Variants in SOX21 observed in about 807,000 individuals in gnomAD.
SOX21 encodes the protein SRY-box transcription factor 21, also known as transcription factor SOX-21.
For synonymous variants in SOX21, 237 were observed against 189.7 expected, an observed-to-expected ratio of 1.25 and a Z score of -2.05; for missense variants, 370 against 388.8, an observed-to-expected ratio of 0.95 and a Z score of 0.41.
In SOX21 at chr13:94,710,978, G is replaced by C. The variant is rs1054638038; in HGVS notation, c.*241C>G. ...GCACACAACCGCCTGCTTTCGAGTT[G>C]GCTGCCGAAGTGCGGGTCTGAAATG... is the stretch of plus-strand genomic sequence containing the variant. On this transcript the variant is annotated 3_prime_UTR_variant, in exon 1 of 1. Transcript: ENST00000376945. 16 of 375,722 alleles carry C rather than the reference G, an allele frequency of 4.3e-5. No homozygotes were observed. In the East Asian group the frequency reaches 5.8e-4, roughly 14 times the overall value. 23.3% of individuals were successfully genotyped at this position (375,722 alleles called of 1,614,324 possible). A position where few individuals can be genotyped will look rare whatever the true frequency, so the allele number is the denominator to read the frequency against.
rs75993836 is a variant in SOX21 at position 94,710,210 on chromosome 13, T to A, written c.*1009A>T. On this transcript the variant is annotated 3_prime_UTR_variant, in exon 1 of 1. Coordinates refer to ENST00000376945, the MANE Select transcript of SOX21 (RefSeq NM_007084.4). ...ACTTTGATATTCGCTCAAAATGTTT[T>A]TGAGTCTAAAGTCGACTCAAACTTA... 1.3e-5 allele frequency: 2 copies of A among 152,588 alleles called. No homozygotes were observed. Among genetic ancestry groups the A allele is most frequent in the Admixed American group, 1.3e-4 (2 of 15,284 alleles). 9.5% of individuals were successfully genotyped at this position (152,588 alleles called of 1,614,324 possible).
Position 94,711,720 on chromosome 13 carries a change from C to T in SOX21, c.330G>A (p.Ala110=), listed in dbSNP as rs758037598. 4 of 1,605,738 alleles carry T rather than the reference C, an allele frequency of 2.5e-6. No individual in the cohort carries two copies. In the South Asian group the frequency reaches 4.4e-5, roughly 18 times the overall value. ...LGGVADAEHP[A]LKAGAGLHAG... is the part of the protein sequence containing the mutation. ...CGTGCAGCCCGGCGCCCGCCTTGAG[C>T]GCAGGGTGCTCGGCGTCCGCCACGC... The change falls in exon 1 of 1, where the codon GCG becomes GCA. Residue 110 remains alanine (A), a synonymous_variant. Transcript: ENST00000376945.
In SOX21 at chr13:94,711,166, C is replaced by G. The variant is rs1207890561; in HGVS notation, c.*53G>C. 1.6e-6 allele frequency: 2 copies of G among 1,249,120 alleles called. No homozygotes were observed. The highest frequency in any genetic ancestry group is 4.2e-5 in the Admixed American group (1 of 23,738). The allele number at this position is 1,249,120 out of a possible 1,614,324, so 77.4% of individuals were successfully genotyped here. ...CACGGGGAGGCCGCAGCGCTCGTACCTATACATATGTACACGTGTGCACAC... is the reference window on the plus strand; with the variant it reads ...CACGGGGAGGCCGCAGCGCTCGTACGTATACATATGTACACGTGTGCACAC... On this transcript the variant is annotated 3_prime_UTR_variant, in exon 1 of 1. Transcript: ENST00000376945.
At position 94,711,163 on chromosome 13, in the gene SOX21, T is replaced by C. The variant is rs910278731; in HGVS notation, c.*56A>G. 12 of 1,242,274 alleles carry C rather than the reference T, an allele frequency of 9.7e-6. No homozygotes were observed. The highest frequency in any genetic ancestry group is 6.9e-5 in the South Asian group (2 of 28,902). The allele number at this position is 1,242,274 out of a possible 1,614,324, so 77.0% of individuals were successfully genotyped here. A position where few individuals can be genotyped will look rare whatever the true frequency, so the allele number is the denominator to read the frequency against. On this transcript the variant is annotated 3_prime_UTR_variant, in exon 1 of 1. Transcript: ENST00000376945. ...GCGCACGGGGAGGCCGCAGCGCTCG[T>C]ACCTATACATATGTACACGTGTGCA...
Position 94,712,464 on chromosome 13 carries a change from G to T in SOX21, c.-415C>A. On this transcript the variant is annotated 5_prime_UTR_variant, in exon 1 of 1. Coordinates refer to ENST00000376945, the MANE Select transcript of SOX21 (RefSeq NM_007084.4). The surrounding 1 kb of genome is among the most constrained non-coding windows in gnomAD (Gnocchi z 5.0). ...AAGCGTCCCCAAAAGTTGCGTCGCG[G>T]AGACTCCTCGAAGTTGAGCCGAGGA... 1 of 988,932 alleles carries T rather than the reference G, an allele frequency of 1.0e-6. No homozygotes were observed. Among genetic ancestry groups the T allele is most frequent in the Non-Finnish European group, 1.2e-6 (1 of 833,138 alleles). The allele number at this position is 988,932 out of a possible 1,614,324, so 61.3% of individuals were successfully genotyped here. A position where few individuals can be genotyped will look rare whatever the true frequency, so the allele number is the denominator to read the frequency against.
rs1875263196 is a variant in SOX21, at chr13:94,711,733, G to A, written c.317C>T (p.Ala106Val). 2.5e-6 allele frequency: 4 copies of A among 1,610,822 alleles called. No homozygotes were observed. Among genetic ancestry groups the A allele is most frequent in the Non-Finnish European group, 3.4e-6 (4 of 1,179,052 alleles). Residue 106 changes from alanine (A) to valine (V), a missense_variant, in exon 1 of 1, where the codon GCC (alanine) becomes GTC (valine). Ala to Val is a moderately conservative substitution (Grantham distance 64, BLOSUM62 0). Coordinates refer to ENST00000376945, the MANE Select transcript of SOX21 (RefSeq NM_007084.4). ...GCCCGCCTTGAGCGCAGGGTGCTCG[G>A]CGTCCGCCACGCCGCCCAGGCCGTA... ...VPYGLGGVAD[A>V]EHPALKAGAG... is the part of the protein sequence containing the mutation.
In SOX21 at chr13:94,710,344, T is replaced by C. The variant is rs1188795941; in HGVS notation, c.*875A>G. 6.6e-6 allele frequency: 1 copy of C among 152,656 alleles called. No homozygotes were observed. Among genetic ancestry groups the C allele is most frequent in the Non-Finnish European group, 1.5e-5 (1 of 68,044 alleles). 9.5% of individuals were successfully genotyped at this position (152,656 alleles called of 1,614,324 possible). On this transcript the variant is annotated 3_prime_UTR_variant, in exon 1 of 1. Transcript: ENST00000376945. ...TAAGGGAAAATAGGAGCAGTGCCTTTTTCCTTTTTTGTAAACTGTGTCAGA... is the reference window on the plus strand; with the variant it reads ...TAAGGGAAAATAGGAGCAGTGCCTTCTTCCTTTTTTGTAAACTGTGTCAGA...
chr13:94,710,966 T>G lies in SOX21; in HGVS notation c.*253A>C, dbSNP rs1875216395. The stretch of plus-strand genomic sequence containing the variant: ...CCAACTGCTGCCGCACACAACCGCC[T>G]GCTTTCGAGTTGGCTGCCGAAGTGC... On this transcript the variant is annotated 3_prime_UTR_variant, in exon 1 of 1. Coordinates refer to ENST00000376945, the MANE Select transcript of SOX21 (RefSeq NM_007084.4). 1 of 365,416 alleles carries G rather than the reference T, an allele frequency of 2.7e-6. No individual in the cohort carries two copies. Among genetic ancestry groups the G allele is most frequent in the African/African-American group, 2.1e-5 (1 of 47,926 alleles). 22.6% of individuals were successfully genotyped at this position (365,416 alleles called of 1,614,324 possible).
chr13:94,711,651 A>T lies in SOX21; in HGVS notation c.399T>A (p.Asn133Lys). Residue 133 changes from asparagine to lysine, a missense_variant, in exon 1 of 1, where the codon AAT (asparagine) becomes AAA (lysine). By Grantham distance (94) the Asn-to-Lys change is moderately conservative. Coordinates refer to ENST00000376945, the MANE Select transcript of SOX21 (RefSeq NM_007084.4). ...CGGCGGCCGCGGCCGCCTTCTCGGGATTGGCGAGCAGCGACTCAGGCACCA... is the reference window on the plus strand; with the variant it reads ...CGGCGGCCGCGGCCGCCTTCTCGGGTTTGGCGAGCAGCGACTCAGGCACCA... ...GGLVPESLLANPEKAAAAAAA... is the reference protein window; with the variant it reads ...GGLVPESLLAKPEKAAAAAAA... 7.5e-7 allele frequency: 1 copy of T among 1,324,632 alleles called. No individual in the cohort carries two copies. Among genetic ancestry groups the T allele is most frequent in the African/African-American group, 1.6e-5 (1 of 61,260 alleles). 82.1% of individuals were successfully genotyped at this position (1,324,632 alleles called of 1,614,324 possible).
chr13:94,711,688 G>GC lies in SOX21; in HGVS notation c.361dup (p.Ala121GlyfsTer8). The GC allele has an allele frequency of 6.8e-7, 1 of 1,470,988 alleles. No individual in the cohort carries two copies. The highest frequency in any genetic ancestry group is 9.0e-7 in the Non-Finnish European group (1 of 1,114,288). 91.1% of individuals were successfully genotyped at this position (1,470,988 alleles called of 1,614,324 possible). A position where few individuals can be genotyped will look rare whatever the true frequency, so the allele number is the denominator to read the frequency against. On this transcript the variant is annotated frameshift_variant, in exon 1 of 1. Transcript: ENST00000376945. LOFTEE classifies it low-confidence loss of function (END_TRUNC). ...CGACTCAGGCACCAGGCCGCCGCCC[G>GC]CCCCCGCGTGCAGCCCGGCGCCCGC...
chr13:94,712,284 C>CT lies in SOX21; in HGVS notation c.-236dup, dbSNP rs753075572. On this transcript the variant is annotated 5_prime_UTR_variant, in exon 1 of 1. Transcript: ENST00000376945. This position sits in a 1 kb window ranked among gnomAD's most constrained non-coding sequence, Gnocchi z 5.0. ...TCGAGCAGGTTGTCTCTGGGACACT[C>CT]TAACTTCTCGGCGGTGCCCCCTCCC... The CT allele has an allele frequency of 1.1e-5, 13 of 1,186,274 alleles. No individual in the cohort carries two copies. Among genetic ancestry groups the CT allele is most frequent in the Middle Eastern group, 3.4e-4 (1 of 2,958 alleles). The allele number at this position is 1,186,274 out of a possible 1,614,324, so 73.5% of individuals were successfully genotyped here. A position where few individuals can be genotyped will look rare whatever the true frequency, so the allele number is the denominator to read the frequency against.
In SOX21 at chr13:94,709,679, G is replaced by A. The variant is rs1875180046; in HGVS notation, c.*1540C>T. Reference sequence around the variant, plus strand: ...ACTCTTTGTTCAAAAAAAATGAACAGAGTGATAGTCGGATTCTAATTTACA... The same window carrying A: ...ACTCTTTGTTCAAAAAAAATGAACAAAGTGATAGTCGGATTCTAATTTACA... On this transcript the variant is annotated 3_prime_UTR_variant, in exon 1 of 1. Coordinates refer to ENST00000376945, the MANE Select transcript of SOX21 (RefSeq NM_007084.4). The A allele has an allele frequency of 6.6e-6, 1 of 152,610 alleles. No homozygotes were observed. The highest frequency in any genetic ancestry group is 2.4e-5 in the African/African-American group (1 of 41,434). 9.5% of individuals were successfully genotyped at this position (152,610 alleles called of 1,614,324 possible). A position where few individuals can be genotyped will look rare whatever the true frequency, so the allele number is the denominator to read the frequency against.
chr13:94,710,403 T>C lies in SOX21; in HGVS notation c.*816A>G, dbSNP rs2138616660. ...CGAGTGGACTCAGGGAGACTTCTAG[T>C]AGTTTGTTGTTGTTGTTTGTTTAGG... On this transcript the variant is annotated 3_prime_UTR_variant, in exon 1 of 1. Coordinates refer to ENST00000376945, the MANE Select transcript of SOX21 (RefSeq NM_007084.4). The C allele has an allele frequency of 6.5e-6, 1 of 152,750 alleles. No homozygotes were observed. The highest frequency in any genetic ancestry group is 2.1e-4 in the South Asian group (1 of 4,826). 9.5% of individuals were successfully genotyped at this position (152,750 alleles called of 1,614,324 possible).
rs1875241209 is a variant in SOX21 at position 94,711,425 on chromosome 13, C to T, written c.625G>A (p.Ala209Thr). The change falls in exon 1 of 1, where the codon GCG (alanine) becomes ACG (threonine). Residue 209 changes from alanine to threonine, a missense_variant. By Grantham distance (58) the Ala-to-Thr change is moderately conservative. Transcript: ENST00000376945. ...GCGGCCGCCGCTGCAGCCGCCGCCG[C>T]CGCGCCGTGGAAGGCGCCCGCGCCC... ...TAGAGAFHGA[A>T]AAAAAAAAAA... is the part of the protein sequence containing the mutation. 2 of 989,550 alleles carry T rather than the reference C, an allele frequency of 2.0e-6. No homozygotes were observed. Among genetic ancestry groups the T allele is most frequent in the Middle Eastern group, 5.2e-4 (1 of 1,922 alleles). 61.3% of individuals were successfully genotyped at this position (989,550 alleles called of 1,614,324 possible).
rs1050831815 is a variant in SOX21, at chr13:94,711,319, G to A, written c.731C>T (p.Pro244Leu). 26 of 1,316,714 alleles carry A rather than the reference G, an allele frequency of 2.0e-5. 1 individual carries two copies. The African/African-American group carries it at 3.2e-4, about 16-fold the overall frequency. The allele number at this position is 1,316,714 out of a possible 1,614,324, so 81.6% of individuals were successfully genotyped here. A position where few individuals can be genotyped will look rare whatever the true frequency, so the allele number is the denominator to read the frequency against. The change falls in exon 1 of 1, where the codon CCC becomes CTC. Residue 244 changes from proline (P) to leucine (L), a missense_variant. Physicochemically the swap from Pro to Leu is moderately conservative, Grantham distance 98. Coordinates refer to ENST00000376945, the MANE Select transcript of SOX21 (RefSeq NM_007084.4). ...GAGCGGCGGCTGCAGCCCGGGGCTGGGCCACGCGCTGCAGTTGCACGGGAT... is the reference window on the plus strand; with the variant it reads ...GAGCGGCGGCTGCAGCCCGGGGCTGAGCCACGCGCTGCAGTTGCACGGGAT... ...YMIPCNCSAW[P>L]SPGLQPPLAY...
In SOX21 at chr13:94,710,883, G is replaced by C. The variant is rs933062393; in HGVS notation, c.*336C>G. 2 of 224,726 alleles carry C rather than the reference G, an allele frequency of 8.9e-6. No individual in the cohort carries two copies. Among genetic ancestry groups the C allele is most frequent in the African/African-American group, 4.5e-5 (2 of 44,082 alleles). The allele number at this position is 224,726 out of a possible 1,614,324, so 13.9% of individuals were successfully genotyped here. A position where few individuals can be genotyped will look rare whatever the true frequency, so the allele number is the denominator to read the frequency against. On this transcript the variant is annotated 3_prime_UTR_variant, in exon 1 of 1. Coordinates refer to ENST00000376945, the MANE Select transcript of SOX21 (RefSeq NM_007084.4). Reference sequence around the variant, plus strand: ...ACTGGAAAGGCCAACATGTCAAAAAGTTACTCCTCCACCTCCGTGGGTCAA... The same window carrying C: ...ACTGGAAAGGCCAACATGTCAAAAACTTACTCCTCCACCTCCGTGGGTCAA...
In SOX21 at chr13:94,712,429, C is replaced by G; in HGVS notation, c.-380G>C. 1.0e-6 allele frequency: 1 copy of G among 1,002,020 alleles called. No homozygotes were observed. 62.1% of individuals were successfully genotyped at this position (1,002,020 alleles called of 1,614,324 possible). ...CGCTCCTCCTCCTCGGTCGTTCTCT[C>G]TTAAATGCAAAGCGTCCCCAAAAGT... On this transcript the variant is annotated 5_prime_UTR_variant, in exon 1 of 1. Coordinates refer to ENST00000376945, the MANE Select transcript of SOX21 (RefSeq NM_007084.4). The surrounding 1 kb of genome is among the most constrained non-coding windows in gnomAD (Gnocchi z 5.0).
chr13:94,711,175 T>A lies in SOX21; in HGVS notation c.*44A>T, dbSNP rs780931643. The A allele has an allele frequency of 7.9e-7, 1 of 1,272,176 alleles. No individual in the cohort carries two copies. Among genetic ancestry groups the A allele is most frequent in the East Asian group, 3.1e-5 (1 of 31,994 alleles). 78.8% of individuals were successfully genotyped at this position (1,272,176 alleles called of 1,614,324 possible). ...GCCGCAGCGCTCGTACCTATACATA[T>A]GTACACGTGTGCACACCGGTCCTCG... is the stretch of plus-strand genomic sequence containing the variant. On this transcript the variant is annotated 3_prime_UTR_variant, in exon 1 of 1. Coordinates refer to ENST00000376945, the MANE Select transcript of SOX21 (RefSeq NM_007084.4).
rs1457438092 is a variant in SOX21, at chr13:94,710,940, G to A, written c.*279C>T. 5 of 331,552 alleles carry A rather than the reference G, an allele frequency of 1.5e-5. No homozygotes were observed. In the East Asian group the frequency reaches 1.8e-4, roughly 12 times the overall value. 20.5% of individuals were successfully genotyped at this position (331,552 alleles called of 1,614,324 possible). ...ACAGGTTCCGAAGTGCAAAGCAAAC[G>A]CCAACTGCTGCCGCACACAACCGCC... On this transcript the variant is annotated 3_prime_UTR_variant, in exon 1 of 1. Transcript: ENST00000376945.
Sources: gnomAD v4.1 joint callset for allele counts on GRCh38, gnomAD v4.1.1 for gene constraint, Gnocchi (gnomAD v3.1) non-coding constraint, MANE v1.5 for transcripts, NCBI Gene and HGNC (gene_info 2026-07-23, HGNC 2026-07-21) for gene names.